The following PATJ variants were observed in gnomAD, a reference collection of about 807,000 sequenced individuals.
PATJ encodes inaD-like protein.
PATJ carries 190 observed loss-of-function variants against 224.9 expected under a neutral mutation model. The ratio of observed to expected loss-of-function variants is 0.84; its 90% CI spans 0.75 to 0.95. The LOEUF is 0.95. Among genes scored for constraint, PATJ ranks in the 40% least tolerant of loss-of-function variants. The probability of loss-of-function intolerance (pLI) is 0.00; values close to 1 mark genes in which losing one functional copy is unlikely to be tolerated. For synonymous variants in PATJ, 769 were observed against 820.3 expected (o/e 0.94, Z 1.07); for missense variants, 2,121 against 2,270.3 (o/e 0.93, Z 1.34).
chr1:62,061,853 G>T (rs1415334489), intron 31 of PATJ, among the ~76,000 whole-genome samples: 4 of 151,914 alleles, frequency 2.6e-5, no homozygotes, highest in Non-Finnish European at 5.9e-5. Context: ...TAAAGATGGG[G>T]TTTCACCGTG....
Position 61,914,563 on chromosome 1 carries a change from C to T in PATJ, c.3493-24C>T, listed in dbSNP as rs200661280. The T allele has an allele frequency of 8.6e-6, 10 of 1,162,450 alleles. No individual in the cohort carries two copies. The African/African-American group carries it at 1.1e-4, about 13-fold the overall frequency. 72.0% of individuals were successfully genotyped at this position (1,162,450 alleles called of 1,614,324 possible). A position where few individuals can be genotyped will look rare whatever the true frequency, so the allele number is the denominator to read the frequency against. ...ATGTCGTTTAAACGTTTTCTTCCCC[C>T]CACCCCTTTTTTTGTCACCATAGGT... On this transcript the variant is annotated intron_variant, in intron 25 of 43. Transcript: ENST00000642238.
chr1:61,800,197 A>C (rs1652182690), intron 11 of PATJ, among the ~76,000 whole-genome samples: 1 of 152,218 alleles, frequency 6.6e-6, no homozygotes, highest in Non-Finnish European at 1.5e-5. Flanking sequence ...CAGAAGTTGT[A>C]CTAATTTACA....
Position 61,884,208 on chromosome 1 carries a change from G to A in PATJ, c.2960-29G>A, listed in dbSNP as rs180914047. On this transcript the variant is annotated intron_variant, in intron 21 of 43. Transcript: ENST00000642238. ...CTAAAGGAGAATGAGTGCCTCTTGT[G>A]TTCACTGTCATCTGGATTTGCTCTT... is the stretch of plus-strand genomic sequence containing the variant. 2,009 of 1,553,624 alleles carry A rather than the reference G, an allele frequency of 1.3e-3. 19 individuals carry two copies. The African/African-American group carries it at 0.025, about 19-fold the overall frequency.
chr1:62,011,582 A>G (rs1412192530), intron 28 of PATJ, among the ~76,000 whole-genome samples: 2 of 152,188 alleles, frequency 1.3e-5, no homozygotes, highest in East Asian at 3.9e-4. Flanking sequence ...GCCATAACAG[A>G]CAGAATAATA....
intron 27 of PATJ, among the ~76,000 whole-genome samples, chr1:61,932,420 G>A (rs948661603): frequency 1.3e-5 from 2 of 152,216 alleles, no homozygotes; most frequent in Admixed American, 6.5e-5. Context: ...CCAGCAAGGA[G>A]CACTTCCAGG....
At chr1:62,124,573 A>G (rs2148929913) in intron 39 of PATJ, among the ~76,000 whole-genome samples, 1 of 152,344 alleles carries the variant, frequency 6.6e-6, no homozygotes. Context: ...CTAGATCTGC[A>G]GTTATAAAAC....
At chr1:61,806,941 C>T (rs1195934528) in intron 13 of PATJ, among the ~76,000 whole-genome samples, 4 of 151,832 alleles carry the variant, frequency 2.6e-5, no homozygotes, top group Non-Finnish European at 5.9e-5. Context: ...CACTTGAGGT[C>T]GGGAGTCTGA....
In PATJ at chr1:62,117,191, C is replaced by T. The variant is rs761169448; in HGVS notation, c.4863C>T (p.Ser1621=). 36 of 1,613,972 alleles carry T rather than the reference C, an allele frequency of 2.2e-5. No homozygotes were observed. The Admixed American group carries it at 2.5e-4, about 11-fold the overall frequency. The change falls in exon 37 of 44, where the codon TCC becomes TCT. Residue 1621 remains serine (S), a synonymous_variant. Transcript: ENST00000642238. The part of the protein sequence containing the change: ...IGRLRAGSWT[S]ARTTSQNSQG... Reference sequence around the variant, plus strand: ...GACTCCGAGCTGGTTCCTGGACCTCCGCAAGGACGACATCACAGAACAGTC... The same window carrying T: ...GACTCCGAGCTGGTTCCTGGACCTCTGCAAGGACGACATCACAGAACAGTC...
At chr1:62,141,204 C>T (rs1387822111) in intron 41 of PATJ, among the ~76,000 whole-genome samples, 1 of 152,148 alleles carries the variant, frequency 6.6e-6, no homozygotes, top group Non-Finnish European at 1.5e-5. Context: ...ATTTGCCTCA[C>T]ACCACAGTTA....
In PATJ at chr1:62,114,144, G is replaced by A. The variant is rs1397519100; in HGVS notation, c.4553G>A (p.Arg1518Lys). 3.7e-6 allele frequency: 6 copies of A among 1,613,952 alleles called. No homozygotes were observed. Among genetic ancestry groups the A allele is most frequent in the Non-Finnish European group, 5.1e-6 (6 of 1,179,978 alleles). ...TPQKVRLVVY[R>K]DEAHYRDEEN... ...CAGAAGGTGCGGCTGGTGGTGTATA[G>A]AGATGAGGCACACTACCGGGATGAG... The change falls in exon 35 of 44, where the codon AGA becomes AAA. Residue 1518 changes from arginine (R) to lysine (K), a missense_variant. Physicochemically the swap from Arg to Lys is conservative, Grantham distance 26 (BLOSUM62 2). Coordinates refer to ENST00000642238, the MANE Select transcript of PATJ (RefSeq NM_001350145.3).
chr1:61,786,465 C>G (rs192493493), intron 7 of PATJ, among the ~76,000 whole-genome samples: 13 of 152,216 alleles, frequency 8.5e-5, no homozygotes, highest in Admixed American at 7.9e-4. Context: ...GTTTGTGTAT[C>G]TGGCTGTATA....
At chr1:61,997,438 T>C (rs568810642) in intron 28 of PATJ, among the ~76,000 whole-genome samples, 1 of 152,360 alleles carries the variant, frequency 6.6e-6, no homozygotes, top group African/African-American at 2.4e-5. Context: ...TGTGTCTTGC[T>C]AATCATGTTC....
intron 26 of PATJ, among the ~76,000 whole-genome samples, chr1:61,921,107 G>A (rs1674267532): frequency 1.3e-5 from 2 of 151,946 alleles, no homozygotes; most frequent in Admixed American, 1.3e-4. Context: ...CAATATTTTG[G>A]TTTGTTTATT....
chr1:61,966,640 T>G (rs1412715103), intron 27 of PATJ, among the ~76,000 whole-genome samples: 3 of 147,744 alleles, frequency 2.0e-5, no homozygotes, highest in Non-Finnish European at 4.4e-5. Context: ...GAGTCGAGAT[T>G]GCATCATTGC....
chr1:62,002,477 CG>C (rs1645834961), intron 28 of PATJ, among the ~76,000 whole-genome samples: 1 of 151,920 alleles, frequency 6.6e-6, no homozygotes, highest in African/African-American at 2.4e-5. Flanking sequence ...GAGGCTGAGG[CG>C]GGTGGATCAT....
chr1:62,150,459 C>T (rs1196681401), intron 42 of PATJ, among the ~76,000 whole-genome samples: 4 of 151,900 alleles, frequency 2.6e-5, no homozygotes, highest in Non-Finnish European at 4.4e-5. Flanking sequence ...GGGCATAACT[C>T]AGTTAAGGAG....
intron 29 of PATJ, among the ~76,000 whole-genome samples, chr1:62,036,798 G>C (rs1172635602): frequency 2.0e-5 from 3 of 148,078 alleles, no homozygotes; most frequent in Non-Finnish European, 4.5e-5. Context: ...ATTGAACCCA[G>C]GAGGTGGAGG....
rs1261153642 is a variant in PATJ at position 61,813,358 on chromosome 1, TATATATATATATATATATATACAC to T, written c.1683+4830_1683+4853del. 3.4e-3 allele frequency among the ~76,000 whole-genome samples: 179 copies of T among 52,998 alleles called. 4 individuals are homozygous for T. The highest frequency in any genetic ancestry group is 0.013 in the Middle Eastern group (1 of 76). The allele number at this position is 52,998 out of a possible 152,430, so 34.8% of individuals were successfully genotyped here. A position where few individuals can be genotyped will look rare whatever the true frequency, so the allele number is the denominator to read the frequency against. On this transcript the variant is annotated intron_variant, in intron 14 of 43. Transcript: ENST00000642238. ...ACATATATATATATATATATATATATATATATATATATATATATATACACACACACACACACACACATACACACA... is the reference window on the plus strand; with the variant it reads ...ACATATATATATATATATATATATATACACACACACACACACATACACACA...
At chr1:61,772,527 C>A (rs1286977392) in intron 6 of PATJ, among the ~76,000 whole-genome samples, 1 of 152,060 alleles carries the variant, frequency 6.6e-6, no homozygotes, top group African/African-American at 2.4e-5. Context: ...TCTTATAACA[C>A]TAAGTGCTAG....
Sources: gnomAD v4.1 joint callset for allele counts (sites outside exome capture counted in the v4.1 genomes callset) on GRCh38, gnomAD v4.1.1 for gene constraint, MANE v1.5 for transcripts, NCBI Gene and HGNC (gene_info 2026-07-23, HGNC 2026-07-21) for gene names.